The following TCN1 variants were observed in gnomAD, a reference collection of about 807,000 sequenced individuals.
The protein encoded by TCN1 is transcobalamin 1.
A neutral mutation model predicts 46.3 loss-of-function variants in TCN1; 47 were observed. The observed-to-expected ratio is 1.01, with a 90% CI of 0.80 to 1.29. The LOEUF (loss-of-function observed/expected upper bound fraction) is 1.29. Among genes scored for constraint, TCN1 ranks in the 50% most tolerant of loss-of-function variants. The probability of loss-of-function intolerance (pLI) is 0.00; values close to 1 mark genes in which losing one functional copy is unlikely to be tolerated. For synonymous variants in TCN1, 183 were observed against 192.5 expected (o/e 0.95, Z 0.41); for missense variants, 532 against 511.0 (o/e 1.04, Z -0.40).
intron 5 of TCN1, among the ~76,000 whole-genome samples, chr11:59,857,675 C>A (rs1208964567): frequency 6.6e-6 from 1 of 151,520 alleles, no homozygotes; most frequent in African/African-American, 2.4e-5. Flanking sequence ...TTTCTGTAAA[C>A]CTTCCTTGAT....
At position 59,864,074 on chromosome 11, in the gene TCN1, T is replaced by A; in HGVS notation, c.92A>T (p.Glu31Val). The A allele has an allele frequency of 6.2e-7, 1 of 1,613,836 alleles. No individual in the cohort carries two copies. Among genetic ancestry groups the A allele is most frequent in the Non-Finnish European group, 8.5e-7 (1 of 1,179,726 alleles). Residue 31 changes from glutamate (E) to valine (V), a missense_variant, in exon 2 of 9, where the codon GAA becomes GTA. Glu to Val is a moderately radical substitution (Grantham distance 121, BLOSUM62 -2). Coordinates refer to ENST00000257264, the MANE Select transcript of TCN1 (RefSeq NM_001062.4). Reference sequence around the variant, plus strand: ...CAGAGGTTTTAGGCGGATGTAGTTTTCTTCACTTACCTCTGTGGCAGAGAA... The same window carrying A: ...CAGAGGTTTTAGGCGGATGTAGTTTACTTCACTTACCTCTGTGGCAGAGAA... Reference protein sequence around the residue: ...QLCEICEVSEENYIRLKPLLN... With the variant: ...QLCEICEVSEVNYIRLKPLLN...
At position 59,861,648 on chromosome 11, in the gene TCN1, G is replaced by GA; in HGVS notation, c.434_435insT (p.Gln146ProfsTer28). ...AGGCCAAAACGTCCAGGCTGAGCTGGTAGTAGTTAGTCAGGGGAGTGCCAT... is the reference window on the plus strand; with the variant it reads ...AGGCCAAAACGTCCAGGCTGAGCTGGATAGTAGTTAGTCAGGGGAGTGCCAT... On this transcript the variant is annotated frameshift_variant, in exon 4 of 9. Coordinates refer to ENST00000257264, the MANE Select transcript of TCN1 (RefSeq NM_001062.4). LOFTEE classifies it high-confidence loss of function. The GA allele has an allele frequency of 6.2e-7, 1 of 1,614,132 alleles. No individual in the cohort carries two copies. The highest frequency in any genetic ancestry group is 8.5e-7 in the Non-Finnish European group (1 of 1,179,986).
chr11:59,865,274 C>A lies in TCN1; in HGVS notation c.79+1118G>T, dbSNP rs192227269. 4.8e-4 allele frequency among the ~76,000 whole-genome samples: 73 copies of A among 152,228 alleles called. No homozygotes were observed. In the South Asian group the frequency reaches 0.014, roughly 29 times the overall value. On this transcript the variant is annotated intron_variant, in intron 1 of 8. Coordinates refer to ENST00000257264, the MANE Select transcript of TCN1 (RefSeq NM_001062.4). ...TTCTCTGAGATTTTGTGGAACCATC[C>A]AGCTCAGCAGATTTTCTGGCCCTGA...
chr11:59,865,284 G>A (rs1853061755), intron 1 of TCN1, among the ~76,000 whole-genome samples: 1 of 152,148 alleles, frequency 6.6e-6, no homozygotes, highest in South Asian at 2.1e-4. Context: ...CAGCTCAGCA[G>A]ATTTTCTGGC....
intron 4 of TCN1, among the ~76,000 whole-genome samples, chr11:59,861,080 T>G (rs1853010322): frequency 6.6e-6 from 1 of 152,240 alleles, no homozygotes; most frequent in African/African-American, 2.4e-5. Flanking sequence ...ACTTTGTCAC[T>G]GGAGAGGTGG....
intron 2 of TCN1, 76 bp from the exon 3 acceptor site, chr11:59,862,798 A>G: frequency 2.0e-6 from 3 of 1,537,364 alleles, no homozygotes; most frequent in Non-Finnish European, 2.7e-6. Context: ...CTTGAGACTT[A>G]TATTGCCTAT....
rs368440312 is a variant in TCN1 at position 59,852,982 on chromosome 11, T to C, written c.1295A>G (p.Lys432Arg). The C allele has an allele frequency of 1.1e-5, 17 of 1,614,030 alleles. No individual in the cohort carries two copies. The African/African-American group carries it at 2.1e-4, about 20-fold the overall frequency. Residue 432 changes from lysine to arginine, a missense_variant, in exon 9 of 9, where the codon AAA (lysine) becomes AGA (arginine). Lys to Arg is a conservative substitution (Grantham distance 26). Coordinates refer to ENST00000257264, the MANE Select transcript of TCN1 (RefSeq NM_001062.4). ...NGENLEVRWS[K>R]Y ...GAGGAAAGTTTGGGCTTATTAGTATTTGCTCCAGCGAACCTCCAAGTTTTC... is the reference window on the plus strand; with the variant it reads ...GAGGAAAGTTTGGGCTTATTAGTATCTGCTCCAGCGAACCTCCAAGTTTTC...
At chr11:59,855,108 G>A (rs1276042706) in intron 6 of TCN1, among the ~76,000 whole-genome samples, 7 of 152,004 alleles carry the variant, frequency 4.6e-5, no homozygotes, top group Non-Finnish European at 7.4e-5. Context: ...TTCTCACAGA[G>A]GATCCTGATT....
chr11:59,864,861 A>G (rs917786549), intron 1 of TCN1, among the ~76,000 whole-genome samples: 1 of 152,176 alleles, frequency 6.6e-6, no homozygotes, highest in Non-Finnish European at 1.5e-5. Context: ...ACATATCTCC[A>G]GATTATCTAA....
In TCN1 at chr11:59,852,906, G is replaced by A. The variant is rs1035029825; in HGVS notation, c.*69C>T. ...CGTACTGGGATAAATGAAGAAGAAG[G>A]CATAAGGACAATAAACATGGAACTC... On this transcript the variant is annotated 3_prime_UTR_variant, in exon 9 of 9. Coordinates refer to ENST00000257264, the MANE Select transcript of TCN1 (RefSeq NM_001062.4). 1.7e-5 allele frequency: 23 copies of A among 1,357,102 alleles called. No homozygotes were observed. Among genetic ancestry groups the A allele is most frequent in the Non-Finnish European group, 2.3e-5 (22 of 945,876 alleles). The allele number at this position is 1,357,102 out of a possible 1,614,324, so 84.1% of individuals were successfully genotyped here. A position where few individuals can be genotyped will look rare whatever the true frequency, so the allele number is the denominator to read the frequency against.
At chr11:59,858,737 G>A (rs1852977783) in intron 5 of TCN1, among the ~76,000 whole-genome samples, 1 of 152,208 alleles carries the variant, frequency 6.6e-6, no homozygotes, top group Non-Finnish European at 1.5e-5. Flanking sequence ...GGGAGGCCAA[G>A]GTGAGTGGAT....
At chr11:59,853,349 G>A in intron 7 of TCN1, 28 bp from the exon 8 acceptor site, 1 of 1,596,578 alleles carries the variant, frequency 6.3e-7, no homozygotes, top group Non-Finnish European at 8.6e-7. Flanking sequence ...TAGGTTACTG[G>A]AACTTAGAAT....
At position 59,854,848 on chromosome 11, in the gene TCN1, G is replaced by T. The variant is rs1410199379; in HGVS notation, c.938-13C>A. 6.2e-7 allele frequency: 1 copy of T among 1,613,650 alleles called. No individual in the cohort carries two copies. The highest frequency in any genetic ancestry group is 1.7e-5 in the Admixed American group (1 of 59,984). ...ATGTTGAAGTTACCTGGCAGAGACA[G>T]AAAAGCCCAGAGCAATATTCAGAAA... On this transcript the variant is annotated splice_polypyrimidine_tract_variant and intron_variant, in intron 6 of 8. Transcript: ENST00000257264.
intron 6 of TCN1, among the ~76,000 whole-genome samples, chr11:59,855,441 T>C (rs1852920186): frequency 6.6e-6 from 1 of 152,184 alleles, no homozygotes; most frequent in Non-Finnish European, 1.5e-5. Flanking sequence ...TTTGAATAAG[T>C]AATGCATGCT....
intron 4 of TCN1, 57 bp from the exon 5 acceptor site, chr11:59,859,324 C>G (rs1378269414): frequency 3.1e-6 from 5 of 1,590,372 alleles, no homozygotes; most frequent in African/African-American, 1.3e-5. Context: ...TTGTCCTGGG[C>G]CGAGAGGTTT....
Position 59,859,209 on chromosome 11 carries a change from C to T in TCN1, c.615G>A (p.Gly205=), listed in dbSNP as rs1852988578. 6.2e-7 allele frequency: 1 copy of T among 1,614,032 alleles called. No individual in the cohort carries two copies. Residue 205 remains glycine, a synonymous_variant, in exon 5 of 9, where the codon GGG becomes GGA. Coordinates refer to ENST00000257264, the MANE Select transcript of TCN1 (RefSeq NM_001062.4). ...LTCVKKSLIN[G]QIKADEGSLK... ...AACTGCCTTCATCTGCTTTGATCTG[C>T]CCATTTATTAGACTCTTCTTCACAC...
rs376946665 is a variant in TCN1, at chr11:59,853,045, G to A, written c.1241-9C>T. 4.6e-5 allele frequency: 75 copies of A among 1,614,062 alleles called. No homozygotes were observed. In the African/African-American group the frequency reaches 9.7e-4, roughly 21 times the overall value. ...AACGTAACTACCAGCTCCTGAAAAG[G>A]AAGAAGAAAGAGAACTGGGTCAAAT... is the stretch of plus-strand genomic sequence containing the variant. On this transcript the variant is annotated splice_polypyrimidine_tract_variant and intron_variant, in intron 8 of 8. Coordinates refer to ENST00000257264, the MANE Select transcript of TCN1 (RefSeq NM_001062.4).
intron 7 of TCN1, among the ~76,000 whole-genome samples, chr11:59,853,545 C>T (rs1866690432): frequency 6.6e-6 from 1 of 152,164 alleles, no homozygotes; most frequent in Non-Finnish European, 1.5e-5. Flanking sequence ...AGGCACTCCA[C>T]ACTCCATGCT....
chr11:59,855,775 C>T, intron 6 of TCN1, 94 bp downstream of exon 6: 1 of 1,381,182 alleles, frequency 7.2e-7, no homozygotes, highest in Admixed American at 1.7e-5. Flanking sequence ...GGAGGTTTAT[C>T]TGGTCACTTT....
Sources: gnomAD v4.1 joint callset for allele counts (sites outside exome capture counted in the v4.1 genomes callset) on GRCh38, gnomAD v4.1.1 for gene constraint, MANE v1.5 for transcripts, NCBI Gene and HGNC (gene_info 2026-07-23, HGNC 2026-07-21) for gene names.